PLCE1: variants seen among roughly 807,000 people sequenced by gnomAD.
The protein encoded by PLCE1 is phospholipase C epsilon 1, also known as 1-phosphatidylinositol 4,5-bisphosphate phosphodiesterase epsilon-1.
PLCE1 carries 119 observed loss-of-function variants against 242.8 expected under a neutral mutation model. That is an observed-to-expected ratio of 0.49 (90% CI 0.42 to 0.57). The LOEUF is 0.57. PLCE1 is among the 20% of genes least tolerant of loss of function. The pLI, the probability that PLCE1 is intolerant of heterozygous loss-of-function variation, is 0.00. For synonymous variants in PLCE1, 945 were observed against 1,017.4 expected, an observed-to-expected ratio of 0.93 and a Z score of 1.35; for missense variants, 2,441 against 2,788.8, an observed-to-expected ratio of 0.88 and a Z score of 2.81.
chr10:94,017,990 T>G (rs7068499), intron 1 of PLCE1, among the ~76,000 whole-genome samples: 81,363 of 151,930 alleles, frequency 0.54, 22,785 homozygotes, highest in East Asian at 0.74. Flanking sequence ...TGGTAGAGTG[T>G]TTCTTTTATG....
intron 7 of PLCE1, among the ~76,000 whole-genome samples, chr10:94,239,968 C>A (rs949168449): frequency 6.6e-6 from 1 of 152,176 alleles, no homozygotes; most frequent in Non-Finnish European, 1.5e-5. Context: ...CCAGCCCAGA[C>A]CTTCATACAG....
intron 2 of PLCE1, among the ~76,000 whole-genome samples, chr10:94,121,705 A>C (rs1226479293): frequency 6.6e-6 from 1 of 152,148 alleles, no homozygotes; most frequent in Non-Finnish European, 1.5e-5. Context: ...CGCAAAGACC[A>C]TACTCTTTCC....
intron 7 of PLCE1, among the ~76,000 whole-genome samples, chr10:94,238,966 C>A (rs2050411448): frequency 6.6e-6 from 1 of 152,178 alleles, no homozygotes; most frequent in Non-Finnish European, 1.5e-5. Context: ...TGAATTTTGA[C>A]ACCACCTCTT....
chr10:93,998,152 G>A (rs763810479), intron 1 of PLCE1, among the ~76,000 whole-genome samples: 3 of 152,272 alleles, frequency 2.0e-5, no homozygotes, highest in Middle Eastern at 6.8e-3. Context: ...GCTGGTCTGG[G>A]GGCAAGAATG....
chr10:94,158,822 A>G (rs1404701132), intron 3 of PLCE1, among the ~76,000 whole-genome samples: 1 of 148,706 alleles, frequency 6.7e-6, no homozygotes, highest in African/African-American at 2.5e-5. Flanking sequence ...TCTGGGTATG[A>G]GATTATTATT....
At chr10:93,997,632 CTTTTTTTTTTTTTTTT>C (rs34338995) in intron 1 of PLCE1, among the ~76,000 whole-genome samples, 4 of 79,872 alleles carry the variant, frequency 5.0e-5, no homozygotes, top group African/African-American at 1.7e-4. Flanking sequence ...AATAACCATC[CTTTTTTTTTTTTTTTT>C]TTTTTTTTTG....
chr10:94,122,908 T>G (rs1444677778), intron 2 of PLCE1, among the ~76,000 whole-genome samples: 3 of 152,312 alleles, frequency 2.0e-5, no homozygotes, highest in African/African-American at 7.2e-5. Context: ...GTGAGGAGGA[T>G]GATGCTGGTC....
rs2053210462 is a variant in PLCE1, at chr10:94,306,478, A to G, written c.5674A>G (p.Ile1892Val). ...CAGTAATAGCATGGGAAGCCCGTGC[A>G]TTGAAGTCGACGTCCTGGGCATGCC... Reference protein sequence around the residue: ...CPSNSMGSPCIEVDVLGMPLD... With the variant: ...CPSNSMGSPCVEVDVLGMPLD... The change falls in exon 26 of 33, where the codon ATT (isoleucine) becomes GTT (valine). Residue 1892 changes from isoleucine (I) to valine (V), a missense_variant. Coordinates refer to ENST00000371380, the MANE Select transcript of PLCE1 (RefSeq NM_016341.4). This position sits in a 1 kb window ranked among gnomAD's most constrained non-coding sequence, Gnocchi z 5.7. 6.2e-7 allele frequency: 1 copy of G among 1,614,016 alleles called. No homozygotes were observed.
At chr10:94,109,439 C>T (rs2045874091) in intron 2 of PLCE1, among the ~76,000 whole-genome samples, 1 of 152,110 alleles carries the variant, frequency 6.6e-6, no homozygotes, top group Non-Finnish European at 1.5e-5. Context: ...GAAACTTCAT[C>T]TTTACTAAAA....
At chr10:94,303,024 C>T (rs2053089684) in intron 24 of PLCE1, among the ~76,000 whole-genome samples, 1 of 152,218 alleles carries the variant, frequency 6.6e-6, no homozygotes, top group African/African-American at 2.4e-5. Flanking sequence ...GAACCAGTCA[C>T]ATCAGGACTG....
chr10:94,289,642 C>T lies in PLCE1; in HGVS notation c.5036-3866C>T, dbSNP rs118111094. On this transcript the variant is annotated intron_variant, in intron 22 of 32. Coordinates refer to ENST00000371380, the MANE Select transcript of PLCE1 (RefSeq NM_016341.4). ...TGTAACACAATGATAAGTATTTGTG[C>T]GTTTAAACATACCTAAACAGACAAG... Among the ~76,000 whole-genome samples the T allele has an allele frequency of 6.7e-3, 1,017 of 152,134 alleles. 7 individuals are homozygous for T. Among genetic ancestry groups the T allele is most frequent in the Non-Finnish European group, 0.011 (772 of 67,976 alleles).
At chr10:94,208,715 A>G (rs1197943736) in intron 4 of PLCE1, among the ~76,000 whole-genome samples, 5 of 152,234 alleles carry the variant, frequency 3.3e-5, no homozygotes, top group African/African-American at 1.2e-4. Context: ...CTACTGAATT[A>G]GACACTAAAC....
intron 1 of PLCE1, among the ~76,000 whole-genome samples, chr10:94,001,090 C>T (rs897937859): frequency 2.6e-5 from 4 of 152,194 alleles, no homozygotes; most frequent in Non-Finnish European, 5.9e-5. Flanking sequence ...CTCAGCCCCC[C>T]ATATCCCTCC....
Position 94,265,918 on chromosome 10 carries a change from A to G in PLCE1, c.4241A>G (p.His1414Arg). 1.2e-6 allele frequency: 2 copies of G among 1,614,092 alleles called. No individual in the cohort carries two copies. Among genetic ancestry groups the G allele is most frequent in the Non-Finnish European group, 1.7e-6 (2 of 1,179,966 alleles). The change falls in exon 16 of 33, where the codon CAT becomes CGT. Residue 1414 changes from histidine to arginine, a missense_variant. By Grantham distance (29) the His-to-Arg change is conservative (BLOSUM62 0). Transcript: ENST00000371380. ...ESSHNTYLTG[H>R]QLKGESSVEL... ...TCGCACAATACCTACCTCACGGGCC[A>G]TCAGCTCAAAGGAGAATCCTCGGTA...
At chr10:94,282,033 G>A (rs2052251435) in intron 20 of PLCE1, among the ~76,000 whole-genome samples, 1 of 150,664 alleles carries the variant, frequency 6.6e-6, no homozygotes, top group African/African-American at 2.4e-5. Context: ...TTGAGAATCA[G>A]ATGAAAGCTA....
intron 2 of PLCE1, among the ~76,000 whole-genome samples, chr10:94,083,492 A>C (rs1227512315): frequency 1.3e-5 from 2 of 152,208 alleles, no homozygotes; most frequent in Non-Finnish European, 2.9e-5. Context: ...GCTAGGGAAG[A>C]TAAGCCATTT....
At chr10:94,285,014 A>G (rs747716380) in intron 22 of PLCE1, 49 bp downstream of exon 22, 1 of 1,021,776 alleles carries the variant, frequency 9.8e-7, no homozygotes, top group Admixed American at 1.7e-5. Flanking sequence ...TCAAAGGTTA[A>G]AAATATGCCA....
chr10:94,141,630 G>GC (rs2046969193), intron 3 of PLCE1, among the ~76,000 whole-genome samples: 1 of 82,654 alleles, frequency 1.2e-5, no homozygotes, highest in African/African-American at 9.4e-5. Flanking sequence ...AAGGCAGAAG[G>GC]AGGAAAGAAA....
intron 8 of PLCE1, among the ~76,000 whole-genome samples, chr10:94,248,232 C>A (rs952846961): frequency 1.3e-5 from 2 of 152,188 alleles, no homozygotes; most frequent in South Asian, 2.1e-4. Flanking sequence ...GATTAATAAG[C>A]AGATAGGCCT....
Sources: allele counts gnomAD v4.1 joint callset (sites outside exome capture counted in the v4.1 genomes callset), GRCh38; gene constraint gnomAD v4.1.1; non-coding constraint Gnocchi (gnomAD v3.1); transcripts MANE v1.5; gene names NCBI Gene and HGNC (gene_info 2026-07-23, HGNC 2026-07-21).